TUBGCP3: variants seen among roughly 807,000 people sequenced by gnomAD.
The protein encoded by TUBGCP3 is tubulin gamma complex component 3, also known as gamma-tubulin complex component 3.
TUBGCP3 carries 50 observed loss-of-function variants against 123.1 expected under a neutral mutation model. The observed-to-expected ratio is 0.41, with a 90% CI of 0.32 to 0.51. The LOEUF (loss-of-function observed/expected upper bound fraction) is 0.51, where lower values mean the gene tolerates loss of function less well. Ranked by LOEUF, TUBGCP3 falls within the 20% of genes least tolerant of loss-of-function variation. The pLI, the probability that TUBGCP3 is intolerant of heterozygous loss-of-function variation, is 0.36. For missense variants in TUBGCP3, 882 were observed against 1,127.0 expected, an observed-to-expected ratio of 0.78 and a Z score of 3.11; for synonymous variants, 405 against 413.9, an observed-to-expected ratio of 0.98 and a Z score of 0.26.
chr13:112,580,774 AAGAGTTCAGGAATAGAAGCG>A lies in TUBGCP3; in HGVS notation c.76+7111_76+7130del. 4.6e-5 allele frequency among the ~76,000 whole-genome samples: 7 copies of A among 152,350 alleles called. 2 individuals carry two copies. Among genetic ancestry groups the A allele is most frequent in the Admixed American group, 4.6e-4 (7 of 15,304 alleles). On this transcript the variant is annotated intron_variant, in intron 1 of 21. Transcript: ENST00000261965. ...AATATCTATATCTGACTGATGATCCAAGAGTTCAGGAATAGAAGCGTAAGAGAAATAAAGACATTTTCAGA... is the reference window on the plus strand; with the variant it reads ...AATATCTATATCTGACTGATGATCCATAAGAGAAATAAAGACATTTTCAGA...
Position 112,520,131 on chromosome 13 carries a change from A to G in TUBGCP3, c.1746-110T>C, listed in dbSNP as rs181829767. ...AGTTCAAATTATAAAAACTCAAAAG[A>G]CAAATGGGACCAATACAATAATGCG... On this transcript the variant is annotated intron_variant, in intron 14 of 21. Coordinates refer to ENST00000261965, the MANE Select transcript of TUBGCP3 (RefSeq NM_006322.6). The G allele has an allele frequency of 9.7e-6, 10 of 1,030,102 alleles. No individual in the cohort carries two copies. The East Asian group carries it at 1.9e-4, about 19-fold the overall frequency. 63.8% of individuals were successfully genotyped at this position (1,030,102 alleles called of 1,614,324 possible). A position where few individuals can be genotyped will look rare whatever the true frequency, so the allele number is the denominator to read the frequency against.
At position 112,569,167 on chromosome 13, in the gene TUBGCP3, T is replaced by G. The variant is rs1412173365; in HGVS notation, c.169A>C (p.Lys57Gln). The change falls in exon 2 of 22, where the codon AAA becomes CAA. Residue 57 changes from lysine to glutamine, a missense_variant. Around this residue, in one of 3 missense-constraint regions of TUBGCP3, gnomAD observed 713 missense variants for 874.0 expected, o/e 0.82. Transcript: ENST00000261965. ...AAATACGTACGCTCTTTCTTGATTT[T>G]TTCAGCTACTAAAAATTCATCTCTT... Reference protein sequence around the residue: ...VERDEFLVAEKIKKELIRQRR... With the variant: ...VERDEFLVAEQIKKELIRQRR... 2 of 1,614,110 alleles carry G rather than the reference T, an allele frequency of 1.2e-6. No homozygotes were observed. Among genetic ancestry groups the G allele is most frequent in the Non-Finnish European group, 1.7e-6 (2 of 1,180,054 alleles).
chr13:112,489,203 C>A (rs969763750), intron 21 of TUBGCP3, among the ~76,000 whole-genome samples: 4 of 151,776 alleles, frequency 2.6e-5, no homozygotes, highest in Non-Finnish European at 4.4e-5. Context: ...ACCCCCGGGT[C>A]CCCACACCCA....
chr13:112,539,160 T>C (rs1314674723), intron 11 of TUBGCP3, among the ~76,000 whole-genome samples: 1 of 152,220 alleles, frequency 6.6e-6, no homozygotes, highest in African/African-American at 2.4e-5. Flanking sequence ...ACACTTCCTA[T>C]TGGTCTGATG....
chr13:112,489,536 A>G, intron 21 of TUBGCP3, 45 bp downstream of exon 21: 1 of 1,335,834 alleles, frequency 7.5e-7, no homozygotes, highest in Non-Finnish European at 1.1e-6. Context: ...GGTACAGAAC[A>G]TGGGCAGAGT....
At chr13:112,513,653 C>G (rs867261197) in intron 17 of TUBGCP3, among the ~76,000 whole-genome samples, 2 of 152,196 alleles carry the variant, frequency 1.3e-5, no homozygotes, top group African/African-American at 4.8e-5. Flanking sequence ...ACATTTCTAA[C>G]GCGCTGGATT....
chr13:112,595,208 T>C, the TUBGCP3 span, among the ~76,000 whole-genome samples: 2 of 152,098 alleles, frequency 1.3e-5, no homozygotes, highest in African/African-American at 4.8e-5. Flanking sequence ...TACATTTTTT[T>C]TTTTTTGAGA....
the TUBGCP3 span, among the ~76,000 whole-genome samples, chr13:112,600,479 A>G: frequency 2.0e-5 from 3 of 152,190 alleles, no homozygotes; most frequent in Non-Finnish European, 4.4e-5. Flanking sequence ...ACGGATTGAA[A>G]CTTGAACCAG....
At chr13:112,527,180 C>G in intron 12 of TUBGCP3, 130 bp from the exon 13 acceptor site, 1 of 831,142 alleles carries the variant, frequency 1.2e-6, no homozygotes, top group Non-Finnish European at 1.9e-6. Context: ...CAGTATGGAG[C>G]GAATTCTAGT....
chr13:112,592,384 A>G (rs141941014), upstream of TUBGCP3, among the ~76,000 whole-genome samples: 32 of 152,264 alleles, frequency 2.1e-4, no homozygotes, highest in East Asian at 6.2e-3. This position sits in a 1 kb window ranked among gnomAD's most constrained non-coding sequence, Gnocchi z 4.1. Context: ...CGCAGGTTCC[A>G]CCAGGCAGGT....
chr13:112,596,923 A>G, the TUBGCP3 span, among the ~76,000 whole-genome samples: 8 of 152,354 alleles, frequency 5.3e-5, no homozygotes, highest in African/African-American at 9.6e-5. Flanking sequence ...TATAAAAACC[A>G]TATGTTCAAA....
intron 17 of TUBGCP3, among the ~76,000 whole-genome samples, chr13:112,509,752 T>C (rs1165446865): frequency 6.6e-6 from 1 of 152,152 alleles, no homozygotes; most frequent in Non-Finnish European, 1.5e-5. Context: ...CTGAAATCCC[T>C]ACAATATCAC....
intron 8 of TUBGCP3, among the ~76,000 whole-genome samples, chr13:112,553,177 G>A (rs1264846136): frequency 2.0e-5 from 3 of 146,540 alleles, no homozygotes; most frequent in African/African-American, 7.6e-5. Context: ...CACACCAAGT[G>A]CCTACTCACC....
intron 1 of TUBGCP3, among the ~76,000 whole-genome samples, chr13:112,585,132 G>C (rs1354272424): frequency 6.6e-6 from 1 of 152,122 alleles, no homozygotes; most frequent in Non-Finnish European, 1.5e-5. Flanking sequence ...ATTATGCCTT[G>C]ATTTCATAGT....
chr13:112,521,977 T>C lies in TUBGCP3; in HGVS notation c.1745+343A>G, dbSNP rs1876663023. 1.8e-5 allele frequency: 8 copies of C among 436,238 alleles called. 1 individual carries two copies. In the South Asian group the frequency reaches 2.9e-4, roughly 16 times the overall value. 27.0% of individuals were successfully genotyped at this position (436,238 alleles called of 1,614,324 possible). A position where few individuals can be genotyped will look rare whatever the true frequency, so the allele number is the denominator to read the frequency against. Reference sequence around the variant, plus strand: ...AAAAGTAAAATTCAACTTTAAAATATATATTTTATTTTTCAGCTTTATTTC... The same window carrying C: ...AAAAGTAAAATTCAACTTTAAAATACATATTTTATTTTTCAGCTTTATTTC... On this transcript the variant is annotated intron_variant, in intron 14 of 21. Coordinates refer to ENST00000261965, the MANE Select transcript of TUBGCP3 (RefSeq NM_006322.6).
Position 112,565,113 on chromosome 13 carries a change from G to A in TUBGCP3, c.250C>T (p.Gln84Ter). Residue 84 changes from glutamine to a stop codon, truncating the protein, a stop_gained and splice_region_variant, in exon 3 of 22, where the codon CAG becomes TAG. Coordinates refer to ENST00000261965, the MANE Select transcript of TUBGCP3 (RefSeq NM_006322.6). LOFTEE classifies it high-confidence loss of function. ...FSELHRKLHS[Q>*]GVLKNKWSIL... is the part of the protein sequence containing the mutation. ...ACCTCCAGAATTCTGCACTGTACCT[G>A]TGAATGAAGTTTTCTGTGGAGTTCT... 1 of 1,613,538 alleles carries A rather than the reference G, an allele frequency of 6.2e-7. No individual in the cohort carries two copies. Among genetic ancestry groups the A allele is most frequent in the Non-Finnish European group, 8.5e-7 (1 of 1,179,790 alleles).
At chr13:112,512,878 A>C (rs1473462866) in intron 17 of TUBGCP3, among the ~76,000 whole-genome samples, 1 of 152,228 alleles carries the variant, frequency 6.6e-6, no homozygotes, top group African/African-American at 2.4e-5. Context: ...TGAGTAAGTT[A>C]ATGTCTTAAA....
At chr13:112,573,309 A>C (rs555128637) in intron 1 of TUBGCP3, among the ~76,000 whole-genome samples, 4 of 152,206 alleles carry the variant, frequency 2.6e-5, no homozygotes, top group Admixed American at 2.0e-4. Flanking sequence ...GCTTGTATTT[A>C]AAGTTGAAGA....
chr13:112,500,905 A>C (rs1320829455), intron 19 of TUBGCP3, among the ~76,000 whole-genome samples: 1 of 152,262 alleles, frequency 6.6e-6, no homozygotes, highest in Non-Finnish European at 1.5e-5. Context: ...AGCACCGTTC[A>C]GAGTTGAACT....
Sources: allele counts gnomAD v4.1 joint callset (sites outside exome capture counted in the v4.1 genomes callset), GRCh38; gene constraint gnomAD v4.1.1; regional missense constraint gnomAD v4.1.1; non-coding constraint Gnocchi (gnomAD v3.1); transcripts MANE v1.5; gene names NCBI Gene and HGNC (gene_info 2026-07-23, HGNC 2026-07-21).